The following TJP2 variants were observed in gnomAD, a reference collection of about 807,000 sequenced individuals.
The protein encoded by TJP2 is tight junction protein 2, also known as Friedreich ataxia region gene X104 (tight junction protein ZO-2).
Under a neutral mutation model 133.1 loss-of-function variants are expected in TJP2, and 91 were observed. The observed-to-expected ratio is 0.68, with a 90% confidence interval of 0.58 to 0.81. TJP2 has a LOEUF of 0.81. TJP2 is among the 40% of genes least tolerant of loss of function. The pLI, the probability that TJP2 is intolerant of heterozygous loss-of-function variation, is 0.00. For missense variants in TJP2, 1,541 were observed against 1,565.6 expected (o/e 0.98, Z 0.26); for synonymous variants, 592 against 583.4 (o/e 1.01, Z -0.21).
rs1189706001 is a variant in TJP2, at chr9:69,126,657, C to A, written c.-131+4932C>A. 9.1e-5 allele frequency among the ~76,000 whole-genome samples: 7 copies of A among 77,026 alleles called. 3 individuals are homozygous for A. The highest frequency in any genetic ancestry group is 2.8e-4 in the African/African-American group (7 of 25,218). The allele number at this position is 77,026 out of a possible 152,430, so 50.5% of individuals were successfully genotyped here. A position where few individuals can be genotyped will look rare whatever the true frequency, so the allele number is the denominator to read the frequency against. On this transcript the variant is annotated intron_variant, in intron 1 of 5. Coordinates refer to the TJP2 transcript ENST00000423935. ...CAAAAAGACCTTATTTGTACAAGGGCTTGTAAAATGTAAAATGATAACAAA... is the reference window on the plus strand; with the variant it reads ...CAAAAAGACCTTATTTGTACAAGGGATTGTAAAATGTAAAATGATAACAAA...
intron 11 of TJP2, among the ~76,000 whole-genome samples, chr9:69,233,263 C>T (rs1829923614): frequency 6.6e-6 from 1 of 152,154 alleles, no homozygotes; most frequent in Non-Finnish European, 1.5e-5. Flanking sequence ...AAATTTTGGC[C>T]TTAATTAAGG....
upstream of TJP2, chr9:69,121,298 C>A: frequency 2.0e-6 from 2 of 985,378 alleles, no homozygotes; most frequent in Non-Finnish European, 2.4e-6. Context: ...CCCAAAGTAG[C>A]GCTGCGAGCA....
intron 5 of TJP2, among the ~76,000 whole-genome samples, chr9:69,223,183 A>G (rs985431925): frequency 1.3e-5 from 2 of 152,056 alleles, no homozygotes; most frequent in African/African-American, 4.8e-5. Flanking sequence ...AGTGGAGGAC[A>G]GTACTCCGCC....
intron 7 of TJP2, 103 bp downstream of exon 7, chr9:69,226,278 A>G: frequency 7.5e-7 from 1 of 1,337,730 alleles, no homozygotes; most frequent in Admixed American, 2.1e-5. Context: ...TAAATTTCTA[A>G]GGAAAGACCC....
At chr9:69,173,266 A>T (rs1203272358), upstream of TJP2, among the ~76,000 whole-genome samples, 1 of 152,182 alleles carries the variant, frequency 6.6e-6, no homozygotes, top group Non-Finnish European at 1.5e-5. Context: ...CTCTTACAAG[A>T]TGGTTTTTTA....
At chr9:69,231,334 G>A (rs776594184) in intron 11 of TJP2, among the ~76,000 whole-genome samples, 44 of 152,186 alleles carry the variant, frequency 2.9e-4, no homozygotes, top group Non-Finnish European at 2.9e-5. Context: ...CTGAGCTCAA[G>A]CAGTCCACAT....
At chr9:69,172,024 T>G (rs575881431), upstream of TJP2, among the ~76,000 whole-genome samples, 2 of 152,114 alleles carry the variant, frequency 1.3e-5, no homozygotes, top group Admixed American at 6.5e-5. Context: ...CTTGATTTCT[T>G]GACCTCGCGA....
Position 69,167,550 on chromosome 9 carries a change from G to A in TJP2, c.-10+15779G>A, listed in dbSNP as rs73449142. Among the ~76,000 whole-genome samples the A allele has an allele frequency of 1.1e-3, 167 of 152,268 alleles. 1 individual carries two copies. Among genetic ancestry groups the A allele is most frequent in the African/African-American group, 3.9e-3 (164 of 41,556 alleles). ...AATAGCCTTACACCTTAAGTTACTT[G>A]CTTTAATAAATAGAAGAATGTCTAC... On this transcript the variant is annotated intron_variant, in intron 2 of 5. Transcript: ENST00000423935.
intron 2 of TJP2, among the ~76,000 whole-genome samples, chr9:69,157,214 C>T: frequency 6.6e-6 from 1 of 152,118 alleles, no homozygotes; most frequent in East Asian, 1.9e-4. Context: ...GTATAATGAT[C>T]ATGATGAAAT....
intron 1 of TJP2, among the ~76,000 whole-genome samples, chr9:69,186,683 G>A (rs1825880188): frequency 6.6e-6 from 1 of 152,088 alleles, no homozygotes; most frequent in Admixed American, 6.5e-5. Context: ...AAAAATGCTT[G>A]GTTTTAAATC....
chr9:69,147,656 C>A (rs1011286084), intron 1 of TJP2, among the ~76,000 whole-genome samples: 2 of 152,100 alleles, frequency 1.3e-5, no homozygotes, highest in African/African-American at 4.8e-5. Flanking sequence ...TCAGAGATAA[C>A]CTCTACTAGC....
At chr9:69,134,762 G>A (rs977374298) in intron 1 of TJP2, among the ~76,000 whole-genome samples, 5 of 152,178 alleles carry the variant, frequency 3.3e-5, no homozygotes, top group African/African-American at 1.2e-4. Flanking sequence ...TGACTGGGTG[G>A]GTTAAGTAAC....
Position 69,248,167 on chromosome 9 carries a change from C to G in TJP2, c.2823C>G (p.Ala941=). The part of the protein sequence containing the change: ...AYTDNELDEP[A]EEPLVSSITR... ...CTGACAATGAGCTGGATGAGCCAGC[C>G]GAGGAGCCGCTGGTGTCGTCCATCA... The change falls in exon 19 of 23, where the codon GCC becomes GCG. Residue 941 remains alanine (A), a synonymous_variant. Coordinates refer to ENST00000377245, the MANE Select transcript of TJP2 (RefSeq NM_004817.4). The G allele has an allele frequency of 6.2e-7, 1 of 1,612,950 alleles. No homozygotes were observed. The highest frequency in any genetic ancestry group is 8.5e-7 in the Non-Finnish European group (1 of 1,179,656).
chr9:69,216,960 A>G (rs1828431321), intron 3 of TJP2, among the ~76,000 whole-genome samples: 2 of 145,926 alleles, frequency 1.4e-5, no homozygotes, highest in Admixed American at 1.4e-4. Context: ...ACACCATTTT[A>G]TTTTAATTTT....
chr9:69,177,725 A>G (rs935103420), intron 1 of TJP2, among the ~76,000 whole-genome samples: 1 of 151,844 alleles, frequency 6.6e-6, no homozygotes, highest in Non-Finnish European at 1.5e-5. Flanking sequence ...GCTCACTGCA[A>G]CCTCTGCCTC....
At chr9:69,134,496 G>C (rs897005386) in intron 1 of TJP2, among the ~76,000 whole-genome samples, 1 of 152,178 alleles carries the variant, frequency 6.6e-6, no homozygotes, top group Admixed American at 6.5e-5. Context: ...CTGGTCCTGT[G>C]GGGTGCACAC....
intron 1 of TJP2, among the ~76,000 whole-genome samples, chr9:69,178,913 T>A (rs1480522085): frequency 6.6e-6 from 1 of 152,194 alleles, no homozygotes; most frequent in African/African-American, 2.4e-5. Context: ...GCCTCACCTG[T>A]AAATGCATTT....
At chr9:69,211,772 C>A (rs766938591) in intron 1 of TJP2, among the ~76,000 whole-genome samples, 1 of 152,204 alleles carries the variant, frequency 6.6e-6, no homozygotes, top group African/African-American at 2.4e-5. Context: ...GCATCTCCAT[C>A]TGTGTGCTGG....
At chr9:69,149,374 G>A (rs1823361923) in intron 1 of TJP2, among the ~76,000 whole-genome samples, 2 of 152,230 alleles carry the variant, frequency 1.3e-5, no homozygotes, top group Admixed American at 1.3e-4. Context: ...ATCTTTGGAA[G>A]TAATAATAGA....
Sources: gnomAD v4.1 joint callset for allele counts (sites outside exome capture counted in the v4.1 genomes callset) on GRCh38, gnomAD v4.1.1 for gene constraint, MANE v1.5 for transcripts, NCBI Gene and HGNC (gene_info 2026-07-23, HGNC 2026-07-21) for gene names.